Variants in MMP28 observed in about 807,000 individuals in gnomAD.
MMP28 encodes matrix metalloproteinase-28.
A neutral mutation model predicts 60.5 loss-of-function variants in MMP28; 55 were observed. The ratio of observed to expected loss-of-function variants is 0.91; its 90% CI spans 0.73 to 1.14. The LOEUF (loss-of-function observed/expected upper bound fraction) is 1.14. Ranked by LOEUF, MMP28 falls within the 50% of genes most tolerant of loss-of-function variation. The probability of loss-of-function intolerance (pLI) is 0.00; values close to 1 mark genes in which losing one functional copy is unlikely to be tolerated. For synonymous variants in MMP28, 318 were observed against 312.5 expected (o/e 1.02, Z -0.18); for missense variants, 686 against 738.3 (o/e 0.93, Z 0.82).
chr17:35,787,605 C>T (rs2086688617), intron 1 of MMP28, among the ~76,000 whole-genome samples: 1 of 152,218 alleles, frequency 6.6e-6, no homozygotes, highest in East Asian at 1.9e-4. Flanking sequence ...ATTCTCCTGC[C>T]TCAGTCTCCC....
chr17:35,793,683 C>T (rs1282330656), intron 1 of MMP28, among the ~76,000 whole-genome samples: 1 of 151,972 alleles, frequency 6.6e-6, no homozygotes, highest in Admixed American at 6.6e-5. Context: ...GCTTGCCCTT[C>T]GAGGGAAGGG....
intron 1 of MMP28, among the ~76,000 whole-genome samples, chr17:35,786,308 T>C (rs1251188685): frequency 6.6e-6 from 1 of 152,150 alleles, no homozygotes; most frequent in Non-Finnish European, 1.5e-5. Context: ...TCTGCCCACC[T>C]TGGCCTCCCA....
chr17:35,756,796 G>A (rs1285413043), intron 2 of MMP28, among the ~76,000 whole-genome samples: 2 of 151,892 alleles, frequency 1.3e-5, no homozygotes, highest in African/African-American at 4.8e-5. Flanking sequence ...TTCTCCACTG[G>A]GCATGGTGGC....
At chr17:35,773,594 A>G (rs954082977) in intron 3 of MMP28, among the ~76,000 whole-genome samples, 190 bp from the exon 4 acceptor site, 2 of 152,144 alleles carry the variant, frequency 1.3e-5, no homozygotes, top group African/African-American at 4.8e-5. Context: ...GGCAGCCCTC[A>G]GACTGAGAGG....
chr17:35,766,826 CCCCTGCCCGGCACAGCTGTGGG>C lies in MMP28; in HGVS notation c.1215_1236del (p.Pro406AlafsTer139), dbSNP rs1423928790. The C allele has an allele frequency of 6.3e-7, 1 of 1,574,836 alleles. No individual in the cohort carries two copies. The highest frequency in any genetic ancestry group is 2.3e-5 in the East Asian group (1 of 42,734). The stretch of plus-strand genomic sequence containing the variant: ...GCGGCGTCAGGATGGCGGGGCAGGC[CCCCTGCCCGGCACAGCTGTGGG>C]AGACCCCACACTGGCTTGGGGCCCC... On this transcript the variant is annotated frameshift_variant, in exon 8 of 8. Coordinates refer to ENST00000605424, the MANE Select transcript of MMP28 (RefSeq NM_024302.5). LOFTEE classifies it high-confidence loss of function. This position sits in a 1 kb window ranked among gnomAD's most constrained non-coding sequence, Gnocchi z 4.3.
chr17:35,773,472 G>A (rs904894273), intron 3 of MMP28, 68 bp from the exon 4 acceptor site: 2 of 1,392,546 alleles, frequency 1.4e-6, no homozygotes, highest in Admixed American at 4.3e-5. Flanking sequence ...CACAGACCCA[G>A]TAGGATGGCG....
chr17:35,787,616 G>A (rs1435780784), intron 1 of MMP28, among the ~76,000 whole-genome samples: 2 of 152,034 alleles, frequency 1.3e-5, no homozygotes, highest in African/African-American at 4.8e-5. Flanking sequence ...TCAGTCTCCC[G>A]ACTATCTGGG....
intron 1 of MMP28, among the ~76,000 whole-genome samples, chr17:35,794,263 TGAGACA>T (rs2086899801): frequency 7.4e-6 from 1 of 135,378 alleles, no homozygotes. Context: ...TTTTTTTTTT[TGAGACA>T]GAGTCTCACT....
At chr17:35,781,514 A>G (rs1555609382) in intron 1 of MMP28, among the ~76,000 whole-genome samples, 1 of 152,100 alleles carries the variant, frequency 6.6e-6, no homozygotes, top group Admixed American at 6.6e-5. Context: ...GACTCTGCCT[A>G]CCCTAACACA....
At chr17:35,761,747 A>G (rs1555601555), downstream of MMP28, among the ~76,000 whole-genome samples, 1 of 152,212 alleles carries the variant, frequency 6.6e-6, no homozygotes, top group Non-Finnish European at 1.5e-5. Context: ...AAGAATGTTC[A>G]GCGGCTCCTC....
downstream of MMP28, chr17:35,764,731 C>T: frequency 8.2e-7 from 1 of 1,219,776 alleles, no homozygotes; most frequent in Non-Finnish European, 1.1e-6. Flanking sequence ...AGGACCGCCC[C>T]TTCTCAGCTG....
intron 3 of MMP28, among the ~76,000 whole-genome samples, chr17:35,777,473 G>A (rs555084954): frequency 3.9e-5 from 6 of 152,188 alleles, no homozygotes; most frequent in Non-Finnish European, 8.8e-5. Flanking sequence ...CAAACACCTG[G>A]AAACAGCCAC....
At position 35,773,233 on chromosome 17, in the gene MMP28, G is replaced by C; in HGVS notation, c.551C>G (p.Thr184Ser). The change falls in exon 4 of 8, where the codon ACC becomes AGC. Residue 184 changes from threonine (T) to serine (S), a missense_variant. Physicochemically the swap from Thr to Ser is moderately conservative, Grantham distance 58 (BLOSUM62 1). Coordinates refer to ENST00000605424, the MANE Select transcript of MMP28 (RefSeq NM_024302.5). ...ATCGTTGTGGTCCCCTTGGAAGAAG[G>C]TGAGCCGGATGTCAGCGGGGCCTGT... ...PATGPADIRL[T>S]FFQGDHNDGL... 1 of 1,614,058 alleles carries C rather than the reference G, an allele frequency of 6.2e-7. No individual in the cohort carries two copies. The highest frequency in any genetic ancestry group is 8.5e-7 in the Non-Finnish European group (1 of 1,179,906).
intron 1 of MMP28, among the ~76,000 whole-genome samples, chr17:35,794,586 C>A (rs1025065102): frequency 1.3e-5 from 2 of 152,036 alleles, no homozygotes; most frequent in African/African-American, 2.4e-5. Context: ...TATTGATCCC[C>A]ACCCCTACCT....
chr17:35,769,838 A>T (rs2143227413), intron 5 of MMP28, among the ~76,000 whole-genome samples: 1 of 151,790 alleles, frequency 6.6e-6, no homozygotes, highest in East Asian at 1.9e-4. Context: ...CACAGGAATT[A>T]GTTGGGACTG....
At chr17:35,794,882 C>T (rs1240351870) in intron 1 of MMP28, among the ~76,000 whole-genome samples, 1 of 152,206 alleles carries the variant, frequency 6.6e-6, no homozygotes, top group Non-Finnish European at 1.5e-5. Context: ...CCAGCGGTAC[C>T]CTCTCCACAG....
At chr17:35,762,343 G>T (rs782157212), downstream of MMP28, among the ~76,000 whole-genome samples, 1 of 152,148 alleles carries the variant, frequency 6.6e-6, no homozygotes, top group African/African-American at 2.4e-5. Flanking sequence ...TGTCTTCCCT[G>T]CCTTCCTCCC....
At chr17:35,768,451 T>C in intron 5 of MMP28, 72 bp from the exon 6 acceptor site, 1 of 1,229,326 alleles carries the variant, frequency 8.1e-7, no homozygotes, top group South Asian at 1.7e-5. Flanking sequence ...ACTCAAGACC[T>C]TCCCTTGGTT....
chr17:35,768,940 A>C (rs2086033891), intron 5 of MMP28, among the ~76,000 whole-genome samples: 1 of 152,246 alleles, frequency 6.6e-6, no homozygotes. Context: ...GGTATCAAGC[A>C]AGGGAACTAA....
Sources: allele counts gnomAD v4.1 joint callset (sites outside exome capture counted in the v4.1 genomes callset), GRCh38; gene constraint gnomAD v4.1.1; non-coding constraint Gnocchi (gnomAD v3.1); transcripts MANE v1.5; gene names NCBI Gene and HGNC (gene_info 2026-07-23, HGNC 2026-07-21).